CFAP52: variants seen among roughly 807,000 people sequenced by gnomAD.
CFAP52 encodes the protein cilia and flagella associated protein 52, also known as cilia- and flagella-associated protein 52.
In CFAP52, 57 loss-of-function variants were observed where a neutral mutation model predicts 70.5. That is an observed-to-expected ratio of 0.81 (90% CI 0.65 to 1.01). CFAP52 has a LOEUF of 1.01. CFAP52 is among the 50% of genes least tolerant of loss of function. The pLI is 0.00. For synonymous variants in CFAP52, 267 were observed against 292.5 expected (o/e 0.91, Z 0.89); for missense variants, 785 against 788.5 (o/e 1.00, Z 0.05).
chr17:9,631,049 AGAG>A, intron 9 of CFAP52, among the ~76,000 whole-genome samples: 2 of 86,746 alleles, frequency 2.3e-5, no homozygotes, highest in African/African-American at 1.1e-4. Flanking sequence ...AGAGAGAGAG[AGAG>A]AGAAAGAAAG....
chr17:9,621,860 C>T (rs1418692379), intron 8 of CFAP52, among the ~76,000 whole-genome samples: 1 of 132,438 alleles, frequency 7.6e-6, no homozygotes, highest in African/African-American at 2.9e-5. Context: ...GTGGTGGGGT[C>T]GGGGGAGGGG....
At chr17:9,590,278 C>T in intron 3 of CFAP52, 1 of 189,686 alleles carries the variant, frequency 5.3e-6, no homozygotes, top group Non-Finnish European at 1.2e-5. Flanking sequence ...TTCTGGCGGG[C>T]CAAGGTGTTT....
chr17:9,637,315 G>T (rs1313212250), intron 11 of CFAP52, among the ~76,000 whole-genome samples: 5 of 152,136 alleles, frequency 3.3e-5, no homozygotes, highest in Admixed American at 2.6e-4. Context: ...TTATTTCTAT[G>T]GATGCTTTGT....
At position 9,576,719 on chromosome 17, in the gene CFAP52, G is replaced by T; in HGVS notation, c.24G>T (p.Glu8Asp). ...GGATGGATAACAAAATTTCGCCGGAGGCCCAAGTGGCGGAGCTGGAACTTG... is the reference window on the plus strand; with the variant it reads ...GGATGGATAACAAAATTTCGCCGGATGCCCAAGTGGCGGAGCTGGAACTTG... MDNKISP[E>D]AQVAELELDA... Residue 8 changes from glutamate (E) to aspartate (D), a missense_variant, in exon 1 of 14, where the codon GAG becomes GAT. Glu to Asp is a conservative substitution (Grantham distance 45, BLOSUM62 2). Coordinates refer to ENST00000352665, the MANE Select transcript of CFAP52 (RefSeq NM_145054.5). 2.5e-6 allele frequency: 4 copies of T among 1,612,364 alleles called. No individual in the cohort carries two copies. The highest frequency in any genetic ancestry group is 1.1e-5 in the South Asian group (1 of 90,722).
intron 9 of CFAP52, among the ~76,000 whole-genome samples, chr17:9,630,359 G>A (rs74432803): frequency 0.013 from 2,013 of 149,244 alleles, 62 homozygotes; most frequent in African/African-American, 0.046. Flanking sequence ...GTGAGCCACC[G>A]CACCTGGACC....
intron 1 of CFAP52, 42 bp downstream of exon 1, chr17:9,576,807 C>T (rs1441212015): frequency 6.3e-7 from 1 of 1,594,596 alleles, no homozygotes; most frequent in East Asian, 2.3e-5. Context: ...TTTAGGAATT[C>T]GGAGGACGTG....
chr17:9,634,469 AC>A (rs1239121200), intron 10 of CFAP52, among the ~76,000 whole-genome samples: 4 of 152,158 alleles, frequency 2.6e-5, no homozygotes, highest in Admixed American at 2.6e-4. Context: ...ACATGGCCAA[AC>A]CCTGTCTCTA....
intron 6 of CFAP52, among the ~76,000 whole-genome samples, chr17:9,602,045 G>A (rs1909290770): frequency 6.6e-6 from 1 of 152,166 alleles, no homozygotes; most frequent in African/African-American, 2.4e-5. Flanking sequence ...TATAAGTAGA[G>A]AAGAGTTTAG....
intron 1 of CFAP52, among the ~76,000 whole-genome samples, chr17:9,580,500 C>T (rs182762206): frequency 6.6e-6 from 1 of 151,974 alleles, no homozygotes; most frequent in Middle Eastern, 3.2e-3. Context: ...CCAGCCTGGG[C>T]AACATGGTGA....
chr17:9,641,938 C>T, intron 13 of CFAP52, 103 bp downstream of exon 13: 1 of 939,336 alleles, frequency 1.1e-6, no homozygotes, highest in Non-Finnish European at 1.6e-6. Context: ...AAAAGGGTCT[C>T]AAGGCAACTT....
chr17:9,638,518 T>C (rs746005999), intron 11 of CFAP52, 91 bp from the exon 12 acceptor site: 2 of 1,250,452 alleles, frequency 1.6e-6, no homozygotes, highest in Non-Finnish European at 2.3e-6. Context: ...CCAACCCAAA[T>C]CCCAGCTTGC....
At chr17:9,636,179 A>AAAAAAAAG (rs1910772778) in intron 11 of CFAP52, among the ~76,000 whole-genome samples, 6 of 99,174 alleles carry the variant, frequency 6.0e-5, no homozygotes, top group Middle Eastern at 4.9e-3. Flanking sequence ...TGTCTCAAAA[A>AAAAAAAAG]AAAGAAAGAA....
chr17:9,637,910 C>T (rs866380648), intron 11 of CFAP52, among the ~76,000 whole-genome samples: 4 of 151,856 alleles, frequency 2.6e-5, no homozygotes, highest in East Asian at 1.9e-4. Flanking sequence ...CTTCCCAGGC[C>T]GGGCTCTCTT....
intron 3 of CFAP52, among the ~76,000 whole-genome samples, chr17:9,591,712 T>G (rs972655245): frequency 3.3e-5 from 5 of 152,034 alleles, no homozygotes; most frequent in African/African-American, 1.2e-4. Context: ...GACCCCTGTT[T>G]CCACAAAAAC....
At chr17:9,576,939 T>G (rs1175721163) in intron 1 of CFAP52, among the ~76,000 whole-genome samples, 174 bp downstream of exon 1, 6 of 152,160 alleles carry the variant, frequency 3.9e-5, no homozygotes. Context: ...CCCAAGGCCT[T>G]GGAGAGTCAC....
chr17:9,610,069 C>G (rs990654166), intron 7 of CFAP52, among the ~76,000 whole-genome samples: 1 of 151,862 alleles, frequency 6.6e-6, no homozygotes, highest in Non-Finnish European at 1.5e-5. Flanking sequence ...TACAACCGAA[C>G]CTGAATCCTA....
chr17:9,639,945 G>A (rs1408036512), intron 12 of CFAP52, among the ~76,000 whole-genome samples: 1 of 152,174 alleles, frequency 6.6e-6, no homozygotes, highest in African/African-American at 2.4e-5. Flanking sequence ...TTCTGTGGGT[G>A]TGAATCCTGA....
rs755686536 is a variant in CFAP52 at position 9,585,847 on chromosome 17, A to C, written c.145A>C (p.Ile49Leu). 6.2e-7 allele frequency: 1 copy of C among 1,614,054 alleles called. No individual in the cohort carries two copies. Among genetic ancestry groups the C allele is most frequent in the South Asian group, 1.1e-5 (1 of 91,078 alleles). ...MIYPLGCTVL[I>L]QAINTKEQNF... ...TTATCCTCTTGGTTGCACAGTCCTC[A>C]TTCAGGCAATAAATACTAAAGAGCA... Residue 49 changes from isoleucine to leucine, a missense_variant, in exon 2 of 14, where the codon ATT (isoleucine) becomes CTT (leucine). Ile to Leu is a conservative substitution (Grantham distance 5). Transcript: ENST00000352665.
chr17:9,601,998 A>G (rs1945505546), intron 6 of CFAP52, among the ~76,000 whole-genome samples: 1 of 152,258 alleles, frequency 6.6e-6, no homozygotes. Context: ...ATATTCAAGC[A>G]TTCAAGGAGA....
Sources: gnomAD v4.1 joint callset for allele counts (sites outside exome capture counted in the v4.1 genomes callset) on GRCh38, gnomAD v4.1.1 for gene constraint, MANE v1.5 for transcripts, NCBI Gene and HGNC (gene_info 2026-07-23, HGNC 2026-07-21) for gene names.